SLC38A8: variants seen among roughly 807,000 people sequenced by gnomAD.
SLC38A8 encodes solute carrier family 38 member 8.
In SLC38A8, 65 loss-of-function variants were observed where a neutral mutation model predicts 46.0. The observed-to-expected ratio is 1.41, with a 90% CI of 1.16 to 1.74. The LOEUF (loss-of-function observed/expected upper bound fraction) is 1.74, where lower values mean the gene tolerates loss of function less well. SLC38A8 is among the 40% of genes most tolerant of loss of function. The pLI, the probability that SLC38A8 is intolerant of heterozygous loss-of-function variation, is 0.00. For synonymous variants in SLC38A8, 447 were observed against 243.7 expected, an observed-to-expected ratio of 1.83 and a Z score of -7.77; for missense variants, 998 against 567.9, an observed-to-expected ratio of 1.76 and a Z score of -7.70.
chr16:84,024,052 G>C (rs1218420180), intron 6 of SLC38A8, among the ~76,000 whole-genome samples: 2 of 152,208 alleles, frequency 1.3e-5, no homozygotes, highest in African/African-American at 2.4e-5. Context: ...TTTGGGGTGG[G>C]GGTGTTGTGC....
chr16:84,037,968 C>T (rs2085320767), intron 2 of SLC38A8, among the ~76,000 whole-genome samples: 1 of 152,090 alleles, frequency 6.6e-6, no homozygotes, highest in Non-Finnish European at 1.5e-5. Context: ...ACCACCACAC[C>T]CAGCTAATTG....
At chr16:84,032,034 T>C (rs2085246516) in intron 4 of SLC38A8, 66 bp from the exon 5 acceptor site, 2 of 1,372,016 alleles carry the variant, frequency 1.5e-6, no homozygotes, top group South Asian at 2.4e-5. Flanking sequence ...ACGGGGACAG[T>C]AGTGGGATCT....
At chr16:84,032,918 G>A (rs530868738) in intron 4 of SLC38A8, among the ~76,000 whole-genome samples, 1 of 91,538 alleles carries the variant, frequency 1.1e-5, no homozygotes, top group East Asian at 4.6e-4. Flanking sequence ...GAGCATGGGT[G>A]GGTGTGGGTA....
At chr16:84,013,774 T>C (rs909261399) in intron 9 of SLC38A8, among the ~76,000 whole-genome samples, 4 of 151,222 alleles carry the variant, frequency 2.6e-5, no homozygotes, top group Non-Finnish European at 4.4e-5. Context: ...TTCAGGGCCA[T>C]GTAGCTTGGC....
intron 5 of SLC38A8, among the ~76,000 whole-genome samples, chr16:84,030,247 C>G (rs769266174): frequency 6.6e-6 from 1 of 152,144 alleles, no homozygotes; most frequent in Non-Finnish European, 1.5e-5. Flanking sequence ...AGATCTGCCC[C>G]TGGAGTCTTC....
chr16:84,033,577 A>C (rs2085270845), intron 3 of SLC38A8, 108 bp from the exon 4 acceptor site: 4 of 1,282,070 alleles, frequency 3.1e-6, no homozygotes, highest in Non-Finnish European at 4.2e-6. Context: ...ACCCTCAGCC[A>C]GCCCCAGGAG....
At chr16:84,032,938 G>A (rs886531694) in intron 4 of SLC38A8, among the ~76,000 whole-genome samples, 14 of 139,138 alleles carry the variant, frequency 1.0e-4, no homozygotes, top group Middle Eastern at 3.5e-3. Flanking sequence ...ACGTGGGTGT[G>A]CATGGGTGGG....
chr16:84,014,137 C>A (rs534725808), intron 9 of SLC38A8, among the ~76,000 whole-genome samples: 1 of 151,218 alleles, frequency 6.6e-6, no homozygotes, highest in Non-Finnish European at 1.5e-5. Flanking sequence ...CCTCTCAGAG[C>A]CTGAGGGAGG....
At chr16:84,029,665 A>T in intron 5 of SLC38A8, 114 bp from the exon 6 acceptor site, 1 of 1,048,446 alleles carries the variant, frequency 9.5e-7, no homozygotes. Context: ...GCATGGCTGC[A>T]AGATGTATTT....
In SLC38A8 at chr16:84,033,332, T is replaced by G. The variant is rs1298779727; in HGVS notation, c.526A>C (p.Thr176Pro). 1.9e-6 allele frequency: 3 copies of G among 1,613,886 alleles called. No individual in the cohort carries two copies. Among genetic ancestry groups the G allele is most frequent in the Non-Finnish European group, 8.5e-7 (1 of 1,179,998 alleles). The change falls in exon 4 of 11, where the codon ACA becomes CCA. Residue 176 changes from threonine (T) to proline (P), a missense_variant. Physicochemically the swap from Thr to Pro is conservative, Grantham distance 38 (BLOSUM62 -1). Coordinates refer to ENST00000299709, the MANE Select transcript of SLC38A8 (RefSeq NM_001080442.3). ...APREIAFQKYTSILGTLAACY... is the reference protein window; with the variant it reads ...APREIAFQKYPSILGTLAACY... The stretch of plus-strand genomic sequence containing the variant: ...AGGCAGCATCCCAGCCCTTACCTTG[T>G]GTATTTCTGGAAGGCGATCTCCCGC...
Position 84,036,917 on chromosome 16 carries a change from G to T in SLC38A8, c.190-17C>A. ...CAACGAGACCTGCGGAGAAGGAGCAGGACCTGGAACTGGGGTGTGCCCACA... is the reference window on the plus strand; with the variant it reads ...CAACGAGACCTGCGGAGAAGGAGCATGACCTGGAACTGGGGTGTGCCCACA... On this transcript the variant is annotated splice_polypyrimidine_tract_variant and intron_variant, in intron 2 of 10. Coordinates refer to ENST00000299709, the MANE Select transcript of SLC38A8 (RefSeq NM_001080442.3). The T allele has an allele frequency of 1.9e-6, 3 of 1,599,526 alleles. No homozygotes were observed. The highest frequency in any genetic ancestry group is 2.6e-6 in the Non-Finnish European group (3 of 1,174,818).
At chr16:84,022,714 G>C (rs1007951941) in intron 7 of SLC38A8, 61 bp downstream of exon 7, 1 of 1,287,648 alleles carries the variant, frequency 7.8e-7, no homozygotes, top group African/African-American at 1.5e-5. Context: ...GATACTCGCT[G>C]TTACTCTTGT....
chr16:84,015,470 TTC>T (rs2085014137), intron 9 of SLC38A8, among the ~76,000 whole-genome samples: 1 of 151,990 alleles, frequency 6.6e-6, no homozygotes, highest in Non-Finnish European at 1.5e-5. Context: ...ATATACGATT[TTC>T]TTTTTTTAAT....
At chr16:84,021,812 T>C (rs1037369651) in intron 7 of SLC38A8, among the ~76,000 whole-genome samples, 6 of 152,230 alleles carry the variant, frequency 3.9e-5, no homozygotes, top group South Asian at 2.1e-4. Context: ...GTTATGGAGA[T>C]TGAGAAGTCC....
chr16:84,022,669 G>A (rs74032395), intron 7 of SLC38A8, 106 bp downstream of exon 7: 7 of 823,752 alleles, frequency 8.5e-6, no homozygotes, highest in East Asian at 8.1e-5. Flanking sequence ...AAAACATTGA[G>A]TATTGAGCCC....
In SLC38A8 at chr16:84,042,033, A is replaced by G. The variant is rs778658405; in HGVS notation, c.125T>C (p.Leu42Pro). The change falls in exon 2 of 11, where the codon CTG (leucine) becomes CCG (proline). Residue 42 changes from leucine (L) to proline (P), a missense_variant. Physicochemically the swap from Leu to Pro is moderately conservative, Grantham distance 98. Transcript: ENST00000299709. ...ILMKSALGAG[L>P]LNFPWAFSKA... ...GGAGAAGGCCCAGGGGAAGTTGAGC[A>G]GGCCAGCTCCCAGCGCGGACTTCAT... 3 of 1,613,660 alleles carry G rather than the reference A, an allele frequency of 1.9e-6. No individual in the cohort carries two copies. The highest frequency in any genetic ancestry group is 1.7e-4 in the Middle Eastern group (1 of 6,054).
chr16:84,030,253 T>A (rs2085222335), intron 5 of SLC38A8, among the ~76,000 whole-genome samples: 1 of 151,614 alleles, frequency 6.6e-6, no homozygotes, highest in South Asian at 2.1e-4. Context: ...GCCCCTGGAG[T>A]CTTCGGAGGG....
intron 6 of SLC38A8, 100 bp downstream of exon 6, chr16:84,029,394 G>A (rs1334193842): frequency 2.3e-6 from 3 of 1,283,056 alleles, no homozygotes; most frequent in East Asian, 4.9e-5. Flanking sequence ...GAAGTCCTCA[G>A]ACGCCTCCCT....
At chr16:84,037,177 G>C (rs2085309911) in intron 2 of SLC38A8, among the ~76,000 whole-genome samples, 1 of 152,228 alleles carries the variant, frequency 6.6e-6, no homozygotes, top group African/African-American at 2.4e-5. Context: ...GCCCCAGTGG[G>C]ATAAATGAGA....
Sources: gnomAD v4.1 joint callset for allele counts (sites outside exome capture counted in the v4.1 genomes callset) on GRCh38, gnomAD v4.1.1 for gene constraint, MANE v1.5 for transcripts, NCBI Gene and HGNC (gene_info 2026-07-23, HGNC 2026-07-21) for gene names.